Variants in COPB1 observed in about 807,000 individuals in gnomAD.
COPB1 encodes the protein coat protein complex I subunit beta 1.
In COPB1, 21 loss-of-function variants were observed where a neutral mutation model predicts 108.7. That is an observed-to-expected ratio of 0.19 (90% CI 0.14 to 0.28). COPB1 has a LOEUF of 0.28. Ranked by LOEUF, COPB1 falls within the 10% of genes least tolerant of loss-of-function variation. COPB1 has a pLI of 1.00. For synonymous variants in COPB1, 378 were observed against 386.8 expected (o/e 0.98, Z 0.27); for missense variants, 919 against 1,141.3 (o/e 0.81, Z 2.81).
Position 14,487,445 on chromosome 11 carries a change from G to C in COPB1, c.700-941C>G, listed in dbSNP as rs1169459717. 2.0e-5 allele frequency among the ~76,000 whole-genome samples: 3 copies of C among 152,126 alleles called. No individual in the cohort carries two copies. In the East Asian group the frequency reaches 5.8e-4, roughly 29 times the overall value. On this transcript the variant is annotated intron_variant, in intron 6 of 21. Coordinates refer to ENST00000439561, the MANE Select transcript of COPB1 (RefSeq NM_001144061.2). ...TAATCTCAGCGCTTTGGGAGGCCAA[G>C]GTGGGCAGATCACGAGGTCAGGAGT... is the stretch of plus-strand genomic sequence containing the variant.
intron 11 of COPB1, among the ~76,000 whole-genome samples, chr11:14,477,395 A>AAAAAAAAAAAAAAAAAAAAAAAAC (rs1565017838): frequency 4.2e-5 from 6 of 141,798 alleles, no homozygotes; most frequent in African/African-American, 1.6e-4. Context: ...GTCTCAAAAA[A>AAAAAAAAAAAAAAAAAAAAAAAAC]AAAAAAAAAA....
chr11:14,470,207 GTT>G (rs1465265111), intron 14 of COPB1, among the ~76,000 whole-genome samples: 1 of 152,046 alleles, frequency 6.6e-6, no homozygotes, highest in Non-Finnish European at 1.5e-5. Context: ...GTTCTCTGCC[GTT>G]TTGTTTTTAA....
At chr11:14,470,944 A>ACACACACTCTCT (rs1285522756) in intron 14 of COPB1, among the ~76,000 whole-genome samples, 29 of 90,200 alleles carry the variant, frequency 3.2e-4, no homozygotes, top group African/African-American at 1.2e-3. Context: ...ACACACACAC[A>ACACACACTCTCT]CTCTCTCTCT....
intron 6 of COPB1, among the ~76,000 whole-genome samples, 196 bp from the exon 7 acceptor site, chr11:14,486,700 C>T (rs1318226613): frequency 1.3e-5 from 2 of 151,930 alleles, no homozygotes; most frequent in African/African-American, 2.4e-5. Context: ...CAGAAAGAAG[C>T]AAGTTAGAGG....
intron 11 of COPB1, among the ~76,000 whole-genome samples, chr11:14,479,267 A>G (rs898217241): frequency 1.6e-4 from 25 of 152,228 alleles, no homozygotes; most frequent in Non-Finnish European, 1.0e-4. Context: ...GAAGATATAA[A>G]TAATAGTAAT....
intron 2 of COPB1, among the ~76,000 whole-genome samples, chr11:14,497,996 C>A (rs1851063616): frequency 6.6e-6 from 1 of 152,092 alleles, no homozygotes; most frequent in Non-Finnish European, 1.5e-5. Context: ...AAAATCAAAA[C>A]AAACTCACGG....
chr11:14,477,040 A>T, intron 11 of COPB1, 25 bp from the exon 12 acceptor site: 1 of 1,431,724 alleles, frequency 7.0e-7, no homozygotes, highest in Middle Eastern at 1.7e-4. Context: ...GATCTGAAAC[A>T]TGAACTTGGC....
Position 14,480,820 on chromosome 11 carries a change from A to G in COPB1, c.1151T>C (p.Val384Ala). 6.2e-7 allele frequency: 1 copy of G among 1,614,082 alleles called. No individual in the cohort carries two copies. The highest frequency in any genetic ancestry group is 8.5e-7 in the Non-Finnish European group (1 of 1,179,932). ...EDTDKYRQLL[V>A]RTLHSCSVRF... ...GACAGAACAGGAATGCAATGTTCGC[A>G]CTAGGAGTTGTCTGTATTTGTCAGT... is the stretch of plus-strand genomic sequence containing the variant. Residue 384 changes from valine (V) to alanine (A), a missense_variant, in exon 10 of 22, where the codon GTG becomes GCG. Val to Ala is a moderately conservative substitution (Grantham distance 64, BLOSUM62 0). This residue lies in a region of COPB1 where 705 missense variants were observed against 817.8 expected (regional missense o/e 0.86). Transcript: ENST00000439561.
Position 14,458,699 on chromosome 11 carries a change from T to C in COPB1, c.2647-12A>G. 6.2e-7 allele frequency: 1 copy of C among 1,607,594 alleles called. No homozygotes were observed. The highest frequency in any genetic ancestry group is 8.5e-7 in the Non-Finnish European group (1 of 1,177,706). On this transcript the variant is annotated splice_polypyrimidine_tract_variant and intron_variant, in intron 20 of 21. Transcript: ENST00000439561. Reference sequence around the variant, plus strand: ...TAACCAGAAAGGGCCTGGAAAAAATTTGTGATAAATTCATTACTTTACCAG... The same window carrying C: ...TAACCAGAAAGGGCCTGGAAAAAATCTGTGATAAATTCATTACTTTACCAG...
intron 18 of COPB1, among the ~76,000 whole-genome samples, 192 bp from the exon 19 acceptor site, chr11:14,461,523 T>C (rs1420451701): frequency 6.6e-6 from 1 of 152,200 alleles, no homozygotes; most frequent in Non-Finnish European, 1.5e-5. Flanking sequence ...ATTCTGATAG[T>C]ATTATTATTT....
intron 13 of COPB1, among the ~76,000 whole-genome samples, chr11:14,475,071 C>T (rs1235217058): frequency 8.3e-6 from 1 of 120,878 alleles, no homozygotes; most frequent in Non-Finnish European, 1.6e-5. Flanking sequence ...TCTAGCGTGG[C>T]CGACAGAGCA....
intron 14 of COPB1, 44 bp downstream of exon 14, chr11:14,474,451 C>G: frequency 6.3e-7 from 1 of 1,586,368 alleles, no homozygotes; most frequent in Non-Finnish European, 8.6e-7. Flanking sequence ...ATAGTAGGCA[C>G]TCAATGTTTA....
intron 18 of COPB1, among the ~76,000 whole-genome samples, chr11:14,461,642 T>A (rs753502642): frequency 2.6e-4 from 40 of 152,348 alleles, no homozygotes; most frequent in Non-Finnish European, 5.1e-4. Context: ...CACTTTGTTT[T>A]TTGTGGTTAA....
chr11:14,467,923 T>C (rs1850319386), intron 16 of COPB1, among the ~76,000 whole-genome samples: 1 of 152,194 alleles, frequency 6.6e-6, no homozygotes, highest in Admixed American at 6.5e-5. Flanking sequence ...TATTGTTTAA[T>C]GGACATAGTT....
Position 14,494,572 on chromosome 11 carries a change from C to T in COPB1, c.92-133G>A, listed in dbSNP as rs550080620. The T allele has an allele frequency of 1.2e-4, 70 of 594,978 alleles. No individual in the cohort carries two copies. In the South Asian group the frequency reaches 1.5e-3, roughly 13 times the overall value. 36.9% of individuals were successfully genotyped at this position (594,978 alleles called of 1,614,324 possible). A position where few individuals can be genotyped will look rare whatever the true frequency, so the allele number is the denominator to read the frequency against. ...TCAGCAATGGTAATAAAAGTACAAACCCAAGTGACAAGGTTCTCCACCTGG... is the reference window on the plus strand; with the variant it reads ...TCAGCAATGGTAATAAAAGTACAAATCCAAGTGACAAGGTTCTCCACCTGG... On this transcript the variant is annotated intron_variant, in intron 2 of 21. Coordinates refer to ENST00000439561, the MANE Select transcript of COPB1 (RefSeq NM_001144061.2).
At chr11:14,488,228 T>C (rs1238294643) in intron 6 of COPB1, among the ~76,000 whole-genome samples, 1 of 152,220 alleles carries the variant, frequency 6.6e-6, no homozygotes, top group Non-Finnish European at 1.5e-5. Context: ...AAGTTCACAA[T>C]GATTTATGTG....
At position 14,464,996 on chromosome 11, in the gene COPB1, C is replaced by A; in HGVS notation, c.2325G>T (p.Leu775Phe). 6.2e-7 allele frequency: 1 copy of A among 1,611,948 alleles called. No individual in the cohort carries two copies. The highest frequency in any genetic ancestry group is 1.1e-5 in the South Asian group (1 of 91,000). ...TTGCGAAGTCATGAGGAGCAAGAGT[C>A]AAAGGAGACGGCTTTTCCACAAGTT... ...DLKLVEKPSP[L>F]TLAPHDFANI... The change falls in exon 18 of 22, where the codon TTG (leucine) becomes TTT (phenylalanine). Residue 775 changes from leucine to phenylalanine, a missense_variant. Around this residue, in one of 5 missense-constraint regions of COPB1, gnomAD observed 705 missense variants for 817.8 expected, o/e 0.86. Coordinates refer to ENST00000439561, the MANE Select transcript of COPB1 (RefSeq NM_001144061.2).
chr11:14,467,034 A>G (rs550342953), intron 16 of COPB1, among the ~76,000 whole-genome samples: 1 of 151,904 alleles, frequency 6.6e-6, no homozygotes, highest in African/African-American at 2.4e-5. Flanking sequence ...GCAATAAAAG[A>G]AAAAATAGAT....
At chr11:14,481,144 A>T in intron 8 of COPB1, 47 bp from the exon 9 acceptor site, 2 of 1,450,256 alleles carry the variant, frequency 1.4e-6, no homozygotes, top group African/African-American at 1.4e-5. Flanking sequence ...CTTTCTGGTC[A>T]CAGGAAAAAA....
Sources: gnomAD v4.1 joint callset for allele counts (sites outside exome capture counted in the v4.1 genomes callset) on GRCh38, gnomAD v4.1.1 for gene constraint, gnomAD v4.1.1 regional missense constraint, MANE v1.5 for transcripts, NCBI Gene and HGNC (gene_info 2026-07-23, HGNC 2026-07-21) for gene names.